The following RASEF variants were observed in gnomAD, a reference collection of about 807,000 sequenced individuals.
The protein encoded by RASEF is ras and EF-hand domain-containing protein.
Under a neutral mutation model 90.1 loss-of-function variants are expected in RASEF, and 68 were observed. The observed-to-expected ratio is 0.75, with a 90% CI of 0.62 to 0.92. The LOEUF (loss-of-function observed/expected upper bound fraction) is 0.92. Ranked by LOEUF, RASEF falls within the 40% of genes least tolerant of loss-of-function variation. RASEF has a pLI of 0.00. For synonymous variants in RASEF, 331 were observed against 345.2 expected (o/e 0.96, Z 0.46); for missense variants, 949 against 937.2 (o/e 1.01, Z -0.16).
chr9:83,013,261 G>A (rs1489411130), intron 4 of RASEF, among the ~76,000 whole-genome samples: 3 of 152,250 alleles, frequency 2.0e-5, no homozygotes, highest in Admixed American at 6.5e-5. Context: ...ACATCCTCTG[G>A]GAATGGTAGG....
the RASEF span, among the ~76,000 whole-genome samples, chr9:83,210,371 T>C: frequency 1.3e-5 from 2 of 152,240 alleles, no homozygotes; most frequent in African/African-American, 4.8e-5. Context: ...ATTTGAAATC[T>C]TCTGTACAAT....
chr9:83,075,217 T>C, the RASEF span, among the ~76,000 whole-genome samples: 1 of 152,216 alleles, frequency 6.6e-6, no homozygotes, highest in Non-Finnish European at 1.5e-5. Flanking sequence ...ACAGTCTGAA[T>C]TGAGTCTGTA....
chr9:83,137,705 C>T, the RASEF span, among the ~76,000 whole-genome samples: 2 of 151,124 alleles, frequency 1.3e-5, no homozygotes, highest in Non-Finnish European at 2.9e-5. Context: ...GTTATTTAGG[C>T]AGAGTCTGGG....
chr9:83,007,255 T>C (rs1829151818), intron 7 of RASEF, among the ~76,000 whole-genome samples, 182 bp downstream of exon 7: 1 of 152,138 alleles, frequency 6.6e-6, no homozygotes, highest in African/African-American at 2.4e-5. Context: ...ATAATTTATT[T>C]AGGATTATAA....
chr9:83,160,334 T>C, the RASEF span, among the ~76,000 whole-genome samples: 4 of 152,268 alleles, frequency 2.6e-5, no homozygotes, highest in East Asian at 7.7e-4. Flanking sequence ...TGAGATGGTC[T>C]CAGATGGAGA....
the RASEF span, among the ~76,000 whole-genome samples, chr9:83,122,454 T>C: frequency 4.6e-5 from 7 of 151,928 alleles, no homozygotes; most frequent in Non-Finnish European, 1.0e-4. Flanking sequence ...AGGGAGAAAA[T>C]GACTGGAGCA....
intron 1 of RASEF, among the ~76,000 whole-genome samples, chr9:83,033,312 GGACT>G (rs771806277): frequency 2.0e-5 from 3 of 152,170 alleles, no homozygotes; most frequent in Non-Finnish European, 4.4e-5. Flanking sequence ...AAAGCTCACA[GGACT>G]GACTATGACT....
Position 83,012,423 on chromosome 9 carries a change from G to A in RASEF, c.843+11C>T, listed in dbSNP as rs866626837. 1 of 1,452,350 alleles carries A rather than the reference G, an allele frequency of 6.9e-7. No individual in the cohort carries two copies. The highest frequency in any genetic ancestry group is 2.0e-5 in the Admixed American group (1 of 50,854). The allele number at this position is 1,452,350 out of a possible 1,614,324, so 90.0% of individuals were successfully genotyped here. On this transcript the variant is annotated intron_variant, in intron 5 of 16. Coordinates refer to ENST00000376447, the MANE Select transcript of RASEF (RefSeq NM_152573.4). ...GAAGTGCATTTCTGTAAGTGAAAAG[G>A]TAATTCTTACCATTGATAAATCATA...
the RASEF span, among the ~76,000 whole-genome samples, chr9:83,165,477 A>T: frequency 2.0e-5 from 3 of 152,184 alleles, no homozygotes; most frequent in Non-Finnish European, 2.9e-5. Flanking sequence ...AAGACAACTT[A>T]TCAAATTTTG....
At chr9:83,039,875 T>C (rs1161867081) in intron 1 of RASEF, among the ~76,000 whole-genome samples, 1 of 152,282 alleles carries the variant, frequency 6.6e-6, no homozygotes, top group South Asian at 2.1e-4. Flanking sequence ...GGCCCCTTTA[T>C]CTTGTTCCAT....
At chr9:83,152,742 A>T in the RASEF span, among the ~76,000 whole-genome samples, 2 of 152,060 alleles carry the variant, frequency 1.3e-5, no homozygotes, top group Non-Finnish European at 2.9e-5. Flanking sequence ...ACATACACAC[A>T]CACACACACA....
the RASEF span, among the ~76,000 whole-genome samples, chr9:83,101,407 A>G: frequency 3.3e-5 from 5 of 152,210 alleles, no homozygotes; most frequent in Non-Finnish European, 7.3e-5. Context: ...AAATACTTCT[A>G]TTTTGTGAAG....
At chr9:83,033,657 TCA>T in intron 1 of RASEF, among the ~76,000 whole-genome samples, 1 of 152,334 alleles carries the variant, frequency 6.6e-6, no homozygotes, top group African/African-American at 2.4e-5. Context: ...GTTTGCATTT[TCA>T]CAGTTTTGGC....
At position 83,062,784 on chromosome 9, in the gene RASEF, C is replaced by T; in HGVS notation, c.84G>A (p.Leu28=). ...AACDANRSGR[L]EREEFRALCT... Reference sequence around the variant, plus strand: ...ACAGTGCCCGGAACTCCTCGCGCTCCAGGCGCCCCGAGCGGTTCGCGTCGC... The same window carrying T: ...ACAGTGCCCGGAACTCCTCGCGCTCTAGGCGCCCCGAGCGGTTCGCGTCGC... Residue 28 remains leucine (L), a synonymous_variant, in exon 1 of 17, where the codon CTG becomes CTA. Coordinates refer to ENST00000376447, the MANE Select transcript of RASEF (RefSeq NM_152573.4). 4 of 1,557,662 alleles carry T rather than the reference C, an allele frequency of 2.6e-6. No individual in the cohort carries two copies. The highest frequency in any genetic ancestry group is 2.4e-5 in the East Asian group (1 of 41,922).
the RASEF span, among the ~76,000 whole-genome samples, chr9:83,123,130 C>T: frequency 4.6e-4 from 69 of 151,544 alleles, no homozygotes; most frequent in African/African-American, 1.6e-3. Flanking sequence ...ATTGCAGCTA[C>T]TCGGGAGGCT....
the RASEF span, among the ~76,000 whole-genome samples, chr9:83,122,696 C>A: frequency 6.6e-6 from 1 of 152,172 alleles, no homozygotes; most frequent in Non-Finnish European, 1.5e-5. Context: ...ATAATGACTA[C>A]AAAATGTTTT....
At chr9:83,098,729 G>C in the RASEF span, among the ~76,000 whole-genome samples, 1 of 152,158 alleles carries the variant, frequency 6.6e-6, no homozygotes, top group African/African-American at 2.4e-5. Context: ...TTACATGGCA[G>C]CAGGCAAAGA....
At chr9:83,070,541 T>C in the RASEF span, among the ~76,000 whole-genome samples, 1 of 152,148 alleles carries the variant, frequency 6.6e-6, no homozygotes, top group Non-Finnish European at 1.5e-5. Flanking sequence ...ATAAATTGAA[T>C]ATAAGTCTCA....
intron 1 of RASEF, among the ~76,000 whole-genome samples, chr9:83,046,867 C>T (rs997135473): frequency 1.3e-5 from 2 of 152,154 alleles, no homozygotes; most frequent in African/African-American, 4.8e-5. Flanking sequence ...AGGGAGCTAA[C>T]AATAGGTGAT....
Sources: gnomAD v4.1 joint callset for allele counts (sites outside exome capture counted in the v4.1 genomes callset) on GRCh38, gnomAD v4.1.1 for gene constraint, MANE v1.5 for transcripts, NCBI Gene and HGNC (gene_info 2026-07-23, HGNC 2026-07-21) for gene names.